The following KCNH7 variants were observed in gnomAD, a reference collection of about 807,000 sequenced individuals.
KCNH7 encodes voltage-gated inwardly rectifying potassium channel KCNH7.
A neutral mutation model predicts 120.8 loss-of-function variants in KCNH7; 49 were observed. That is an observed-to-expected ratio of 0.41 (90% CI 0.32 to 0.51). The LOEUF is 0.51. KCNH7 is among the 20% of genes least tolerant of loss of function. KCNH7 has a pLI of 0.38. For missense variants in KCNH7, 1,097 were observed against 1,446.6 expected, an observed-to-expected ratio of 0.76 and a Z score of 3.92; for synonymous variants, 547 against 516.1, an observed-to-expected ratio of 1.06 and a Z score of -0.81.
rs1460458611 is a variant in KCNH7 at position 162,373,469 on chromosome 2, C to T, written c.3324+1G>A. ...CTTGGTTGGATGGTATCCACACTTA[C>T]TTGTGAGGAAGGGCTGAAACTTCGG... On this transcript the variant is annotated splice_donor_variant, in intron 15 of 15. Transcript: ENST00000332142. LOFTEE classifies it high-confidence loss of function. 1 of 1,518,172 alleles carries T rather than the reference C, an allele frequency of 6.6e-7. No homozygotes were observed. The highest frequency in any genetic ancestry group is 8.9e-7 in the Non-Finnish European group (1 of 1,129,566). The allele number at this position is 1,518,172 out of a possible 1,614,324, so 94.0% of individuals were successfully genotyped here.
At chr2:162,641,446 A>G (rs1000730155) in intron 2 of KCNH7, among the ~76,000 whole-genome samples, 1 of 152,180 alleles carries the variant, frequency 6.6e-6, no homozygotes, top group African/African-American at 2.4e-5. Context: ...GGCATGGCTC[A>G]CACCTATAAT....
At chr2:162,811,898 A>G (rs934161079) in intron 2 of KCNH7, among the ~76,000 whole-genome samples, 1 of 152,170 alleles carries the variant, frequency 6.6e-6, no homozygotes, top group African/African-American at 2.4e-5. Context: ...GTATAAAGGG[A>G]TAAAAAAATT....
chr2:162,594,398 AG>A (rs1430410850), intron 2 of KCNH7, among the ~76,000 whole-genome samples: 1 of 152,024 alleles, frequency 6.6e-6, no homozygotes, highest in Non-Finnish European at 1.5e-5. Context: ...AAGAGATTAT[AG>A]CTAACCTAAA....
chr2:162,607,143 G>A (rs1177054065), intron 2 of KCNH7, among the ~76,000 whole-genome samples: 4 of 151,148 alleles, frequency 2.6e-5, no homozygotes, highest in South Asian at 2.1e-4. Flanking sequence ...CTGGGAGGCC[G>A]AGGAGGGCAG....
intron 2 of KCNH7, among the ~76,000 whole-genome samples, chr2:162,583,908 A>T (rs759581409): frequency 2.6e-5 from 4 of 152,100 alleles, no homozygotes; most frequent in Non-Finnish European, 4.4e-5. Context: ...TTCTAAAAAC[A>T]TTGGGGCAAG....
chr2:162,459,045 A>ATAT (rs1689067161), intron 6 of KCNH7, among the ~76,000 whole-genome samples: 2 of 147,794 alleles, frequency 1.4e-5, no homozygotes, highest in Admixed American at 6.8e-5. Flanking sequence ...AATAATAATA[A>ATAT]TATAAAGGAG....
At chr2:162,483,587 TA>T (rs1689999444) in intron 6 of KCNH7, among the ~76,000 whole-genome samples, 1 of 152,158 alleles carries the variant, frequency 6.6e-6, no homozygotes, top group African/African-American at 2.4e-5. Flanking sequence ...TGACAATTAG[TA>T]TCAATTCTAC....
intron 2 of KCNH7, among the ~76,000 whole-genome samples, chr2:162,594,214 G>T (rs1694301053): frequency 7.6e-6 from 1 of 131,586 alleles, no homozygotes; most frequent in Admixed American, 8.2e-5. Context: ...TCACAGACAT[G>T]CTAGTTTATA....
At chr2:162,423,657 C>T (rs1469555284) in intron 8 of KCNH7, 122 bp from the exon 9 acceptor site, 4 of 839,446 alleles carry the variant, frequency 4.8e-6, no homozygotes, top group Non-Finnish European at 7.1e-6. Context: ...CATTGGATCA[C>T]GGGGAAAAAA....
intron 2 of KCNH7, among the ~76,000 whole-genome samples, chr2:162,662,270 G>GGAAAAGAAAA (rs201724226): frequency 4.0e-5 from 6 of 151,656 alleles, no homozygotes; most frequent in East Asian, 1.9e-4. Flanking sequence ...CTCAAAAAAA[G>GGAAAAGAAAA]GAAAAGAAAA....
At chr2:162,723,894 C>T (rs1687419796) in intron 2 of KCNH7, among the ~76,000 whole-genome samples, 1 of 152,108 alleles carries the variant, frequency 6.6e-6, no homozygotes, top group African/African-American at 2.4e-5. Flanking sequence ...CCAATATACA[C>T]AGTTTCAAAT....
At chr2:162,435,696 T>A (rs139611360) in intron 7 of KCNH7, 99 bp from the exon 8 acceptor site, 2 of 1,203,228 alleles carry the variant, frequency 1.7e-6, no homozygotes, top group African/African-American at 3.1e-5. Flanking sequence ...GACAATAGGG[T>A]AGCATTAAGG....
chr2:162,822,578 A>G (rs1483999038), intron 2 of KCNH7, among the ~76,000 whole-genome samples: 1 of 152,206 alleles, frequency 6.6e-6, no homozygotes, highest in African/African-American at 2.4e-5. Flanking sequence ...GTAAGGAACT[A>G]CTTTCACTTT....
chr2:162,514,027 G>C (rs1691200214), intron 4 of KCNH7, among the ~76,000 whole-genome samples: 1 of 151,712 alleles, frequency 6.6e-6, no homozygotes, highest in Non-Finnish European at 1.5e-5. Context: ...AAACGTCACT[G>C]TCATATCAAA....
chr2:162,524,722 G>C (rs867915430), intron 3 of KCNH7, among the ~76,000 whole-genome samples: 1 of 151,948 alleles, frequency 6.6e-6, no homozygotes. Flanking sequence ...GAATCAGAGA[G>C]AGAAGAAAAA....
chr2:162,681,068 G>T (rs972874349), intron 2 of KCNH7, among the ~76,000 whole-genome samples: 6 of 151,814 alleles, frequency 4.0e-5, no homozygotes, highest in African/African-American at 1.4e-4. Flanking sequence ...TATCTCTATG[G>T]CCTAGGATTA....
intron 15 of KCNH7, among the ~76,000 whole-genome samples, 166 bp from the exon 16 acceptor site, chr2:162,372,261 G>T (rs891851643): frequency 6.6e-6 from 1 of 152,060 alleles, no homozygotes; most frequent in African/African-American, 2.4e-5. Flanking sequence ...GTCGGAGATT[G>T]GTTATCAGTA....
intron 2 of KCNH7, among the ~76,000 whole-genome samples, chr2:162,681,998 AG>A (rs1275287799): frequency 6.6e-6 from 1 of 151,618 alleles, no homozygotes; most frequent in Non-Finnish European, 1.5e-5. Flanking sequence ...TTTTTTCAAA[AG>A]TAATTTCCTC....
At chr2:162,395,217 A>G (rs1044922102) in intron 11 of KCNH7, among the ~76,000 whole-genome samples, 2 of 151,784 alleles carry the variant, frequency 1.3e-5, no homozygotes, top group African/African-American at 4.8e-5. Context: ...TCAACTATAC[A>G]AGGATTGGTG....
Sources: allele counts gnomAD v4.1 joint callset (sites outside exome capture counted in the v4.1 genomes callset), GRCh38; gene constraint gnomAD v4.1.1; transcripts MANE v1.5; gene names NCBI Gene and HGNC (gene_info 2026-07-23, HGNC 2026-07-21).